Variants in DNTTIP2 observed in about 807,000 individuals in gnomAD.
The protein encoded by DNTTIP2 is deoxynucleotidyltransferase terminal-interacting protein 2.
Under a neutral mutation model 62.4 loss-of-function variants are expected in DNTTIP2, and 47 were observed. That is an observed-to-expected ratio of 0.75 (90% CI 0.60 to 0.96). DNTTIP2 has a LOEUF of 0.96. DNTTIP2 is among the 40% of genes least tolerant of loss of function. The pLI, the probability that DNTTIP2 is intolerant of heterozygous loss-of-function variation, is 0.00. For missense variants in DNTTIP2, 870 were observed against 849.1 expected (o/e 1.02, Z -0.31); for synonymous variants, 322 against 300.9 (o/e 1.07, Z -0.73).
chr1:93,876,346 T>G lies in DNTTIP2; in HGVS notation c.1589A>C (p.Glu530Ala). Residue 530 changes from glutamate (E) to alanine (A), a missense_variant, in exon 2 of 7, where the codon GAA (glutamate) becomes GCA (alanine). By Grantham distance (107) the Glu-to-Ala change is moderately radical (BLOSUM62 -1). Coordinates refer to ENST00000436063, the MANE Select transcript of DNTTIP2 (RefSeq NM_014597.5). ...ATTTTCGTCATGGTCTGATGAATCT[T>G]CTTCACTTTTTTCATCCTCTTCCTC... ...KEEEEDEKSE[E>A]DSSDHDENED... 4 of 1,556,532 alleles carry G rather than the reference T, an allele frequency of 2.6e-6. No homozygotes were observed. Among genetic ancestry groups the G allele is most frequent in the Non-Finnish European group, 3.5e-6 (4 of 1,149,302 alleles).
Position 93,868,614 on chromosome 1 carries a change from T to C in DNTTIP2, c.*1237A>G, listed in dbSNP as rs922357266. ...AACCAACCCAAATGCCCATGAATGATAGACTGGATAAAGAAAATGTGGCAC... is the reference window on the plus strand; with the variant it reads ...AACCAACCCAAATGCCCATGAATGACAGACTGGATAAAGAAAATGTGGCAC... On this transcript the variant is annotated 3_prime_UTR_variant, in exon 7 of 7. Coordinates refer to ENST00000436063, the MANE Select transcript of DNTTIP2 (RefSeq NM_014597.5). 4 of 152,180 alleles carry C rather than the reference T, an allele frequency of 2.6e-5. No homozygotes were observed. The highest frequency in any genetic ancestry group is 5.9e-5 in the Non-Finnish European group (4 of 68,038). The allele number at this position is 152,180 out of a possible 1,614,324, so 9.4% of individuals were successfully genotyped here.
intron 3 of DNTTIP2, among the ~76,000 whole-genome samples, chr1:93,875,076 G>A (rs746425992): frequency 1.2e-4 from 18 of 152,194 alleles, no homozygotes; most frequent in Non-Finnish European, 1.9e-4. Flanking sequence ...AATTAGTGAC[G>A]TCAAGTACCT....
In DNTTIP2 at chr1:93,872,210, A is replaced by G; in HGVS notation, c.1929T>C (p.Asp643=). ...RRKERQKTAG[D]GWFGMKAPEM... is the part of the protein sequence containing the mutation. ...CTGGAGCTTTCATACCAAACCAGCC[A>G]TCCCCTGCTGTTTTTTGTCGTTCTT... The change falls in exon 5 of 7, where the codon GAT becomes GAC. Residue 643 remains aspartate, a synonymous_variant. Transcript: ENST00000436063. 1.2e-6 allele frequency: 2 copies of G among 1,613,724 alleles called. No homozygotes were observed. The highest frequency in any genetic ancestry group is 1.7e-6 in the Non-Finnish European group (2 of 1,179,768).
Position 93,877,663 on chromosome 1 carries a change from T to C in DNTTIP2, c.272A>G (p.Glu91Gly). The change falls in exon 2 of 7, where the codon GAG becomes GGG. Residue 91 changes from glutamate (E) to glycine (G), a missense_variant. Coordinates refer to ENST00000436063, the MANE Select transcript of DNTTIP2 (RefSeq NM_014597.5). ...GTGCTCAGACACAGAATAATTTGAC[T>C]CTGCCTCAGAGGTTTCTCCATCCGT... is the stretch of plus-strand genomic sequence containing the variant. ...PSTDGETSEA[E>G]SNYSVSEHHD... 6.2e-7 allele frequency: 1 copy of C among 1,613,996 alleles called. No individual in the cohort carries two copies. Among genetic ancestry groups the C allele is most frequent in the South Asian group, 1.1e-5 (1 of 91,082 alleles).
chr1:93,873,031 A>G (rs1250495646), intron 4 of DNTTIP2, 88 bp downstream of exon 4: 10 of 895,818 alleles, frequency 1.1e-5, no homozygotes, highest in Non-Finnish European at 1.6e-5. Context: ...AGACCAACAG[A>G]TACAGTTTAA....
rs746763890 is a variant in DNTTIP2, at chr1:93,875,589, A to G, written c.1806+56T>C. On this transcript the variant is annotated intron_variant, in intron 3 of 6. Transcript: ENST00000436063. ...AAAATTAAGTCTTTTACCAAGGACT[A>G]ATTTCTAAAAGTGATTGGTTAGTTC... 3.2e-6 allele frequency: 5 copies of G among 1,545,984 alleles called. No homozygotes were observed. In the South Asian group the frequency reaches 3.9e-5, roughly 12 times the overall value.
In DNTTIP2 at chr1:93,875,769, C is replaced by T; in HGVS notation, c.1682G>A (p.Ser561Asn). ...STKAKLLKLT[S>N]SSIDPGLSIK... ...ACTCAGACCAGGGTCTATGCTGCTG[C>T]TTGTCAACTTCAGACTGAAAAAGAA... is the stretch of plus-strand genomic sequence containing the variant. Residue 561 changes from serine (S) to asparagine (N), a missense_variant, in exon 3 of 7, where the codon AGC becomes AAC. By Grantham distance (46) the Ser-to-Asn change is conservative. Coordinates refer to ENST00000436063, the MANE Select transcript of DNTTIP2 (RefSeq NM_014597.5). The T allele has an allele frequency of 6.2e-7, 1 of 1,609,786 alleles. No individual in the cohort carries two copies. The highest frequency in any genetic ancestry group is 8.5e-7 in the Non-Finnish European group (1 of 1,178,920).
Position 93,870,685 on chromosome 1 carries a change from T to C in DNTTIP2, c.2175A>G (p.Arg725=). 6.6e-7 allele frequency: 1 copy of C among 1,525,818 alleles called. No individual in the cohort carries two copies. Among genetic ancestry groups the C allele is most frequent in the Non-Finnish European group, 8.9e-7 (1 of 1,127,114 alleles). The allele number at this position is 1,525,818 out of a possible 1,614,324, so 94.5% of individuals were successfully genotyped here. ...AAAATAAATATGAATTCCTTTACCT[T>C]CTGAATTCAGAATCAGCCAGCAGTT... ...VEELLADSEF[R]RYNRRKYSEI... is the part of the protein sequence containing the mutation. The change falls in exon 6 of 7, where the codon AGA becomes AGG. Residue 725 remains arginine (R), a splice_region_variant and synonymous_variant. Transcript: ENST00000436063.
At position 93,869,356 on chromosome 1, in the gene DNTTIP2, C is replaced by T. The variant is rs1655796837; in HGVS notation, c.*495G>A. ...GGTCATATTCTTCATATCTTTGTAT[C>T]CCAACTTTCTGGATCTGAATTTTAT... On this transcript the variant is annotated 3_prime_UTR_variant, in exon 7 of 7. Transcript: ENST00000436063. 6.6e-6 allele frequency: 1 copy of T among 152,272 alleles called. No homozygotes were observed. The highest frequency in any genetic ancestry group is 1.5e-5 in the Non-Finnish European group (1 of 68,152). The allele number at this position is 152,272 out of a possible 1,614,324, so 9.4% of individuals were successfully genotyped here.
At chr1:93,875,908 C>T (rs1303485362) in intron 2 of DNTTIP2, 125 bp from the exon 3 acceptor site, 1 of 956,680 alleles carries the variant, frequency 1.0e-6, no homozygotes, top group Non-Finnish European at 1.5e-6. Context: ...GAAAAAAAAG[C>T]ATCTTATTTT....
Position 93,876,783 on chromosome 1 carries a change from T to C in DNTTIP2, c.1152A>G (p.Lys384=), listed in dbSNP as rs1020750690. The C allele has an allele frequency of 1.2e-6, 2 of 1,613,952 alleles. No homozygotes were observed. ...CACCAAACTTTGTCAAGTCACTTGCTTTTATGGGGCTCTTTTTGTTGTTAT... is the reference window on the plus strand; with the variant it reads ...CACCAAACTTTGTCAAGTCACTTGCCTTTATGGGGCTCTTTTTGTTGTTAT... The part of the protein sequence containing the change: ...RWNNNKKSPI[K]ASDLTKFGDC... Residue 384 remains lysine, a synonymous_variant, in exon 2 of 7, where the codon AAA becomes AAG. Coordinates refer to ENST00000436063, the MANE Select transcript of DNTTIP2 (RefSeq NM_014597.5).
chr1:93,870,766 A>G lies in DNTTIP2; in HGVS notation c.2094T>C (p.Ala698=). 6 of 1,564,268 alleles carry G rather than the reference A, an allele frequency of 3.8e-6. No individual in the cohort carries two copies. Among genetic ancestry groups the G allele is most frequent in the Non-Finnish European group, 5.2e-6 (6 of 1,151,532 alleles). The change falls in exon 6 of 7, where the codon GCT becomes GCC. Residue 698 remains alanine (A), a synonymous_variant. Transcript: ENST00000436063. ...FQIGTIVDNP[A]DFYHSRIPKK... Reference sequence around the variant, plus strand: ...TGGGAATTCGTGAATGGTAGAAATCAGCTGGATTGTCAACAATGGTTCCAA... The same window carrying G: ...TGGGAATTCGTGAATGGTAGAAATCGGCTGGATTGTCAACAATGGTTCCAA...
intron 1 of DNTTIP2, 68 bp from the exon 2 acceptor site, chr1:93,877,930 T>A: frequency 2.0e-6 from 3 of 1,496,458 alleles, no homozygotes; most frequent in Non-Finnish European, 2.7e-6. Flanking sequence ...AATGAAATAC[T>A]GACCCCAAAA....
Position 93,869,496 on chromosome 1 carries a change from A to AT in DNTTIP2, c.*354dup, listed in dbSNP as rs1381843079. The stretch of plus-strand genomic sequence containing the variant: ...CAATAATGTTTATATATCTTTGATC[A>AT]TTTTTTAAAGTTCTTTGAACATGTT... On this transcript the variant is annotated 3_prime_UTR_variant, in exon 7 of 7. Coordinates refer to ENST00000436063, the MANE Select transcript of DNTTIP2 (RefSeq NM_014597.5). The AT allele has an allele frequency of 5.1e-6, 1 of 194,196 alleles. No individual in the cohort carries two copies. The highest frequency in any genetic ancestry group is 1.1e-5 in the Non-Finnish European group (1 of 94,008). The allele number at this position is 194,196 out of a possible 1,614,324, so 12.0% of individuals were successfully genotyped here. A position where few individuals can be genotyped will look rare whatever the true frequency, so the allele number is the denominator to read the frequency against.
At chr1:93,871,948 G>T in intron 5 of DNTTIP2, 124 bp downstream of exon 5, 1 of 1,080,780 alleles carries the variant, frequency 9.3e-7, no homozygotes, top group Non-Finnish European at 1.3e-6. Context: ...ATGCAGATAT[G>T]TTCCATACAT....
In DNTTIP2 at chr1:93,873,173, GT is replaced by G. The variant is rs1655913115; in HGVS notation, c.1847del (p.Asn616ThrfsTer33). The G allele has an allele frequency of 5.0e-6, 8 of 1,611,812 alleles. No homozygotes were observed. Among genetic ancestry groups the G allele is most frequent in the South Asian group, 1.1e-5 (1 of 90,956 alleles). ...ATTCACTATATGGTGGAACACAGTG[GT>G]TTTTTTCAAAATCAGGTGTAATGAC... ...KAVITPDFEK[N>X]HCVPPYSESK... is the part of the protein sequence containing the mutation. On this transcript the variant is annotated frameshift_variant, in exon 4 of 7. Transcript: ENST00000436063. LOFTEE classifies it high-confidence loss of function.
intron 4 of DNTTIP2, among the ~76,000 whole-genome samples, chr1:93,872,678 A>G (rs568544354): frequency 6.6e-6 from 1 of 152,310 alleles, no homozygotes; most frequent in African/African-American, 2.4e-5. Context: ...TGTTATTTCT[A>G]CAATAAAACA....
chr1:93,873,894 G>T (rs140128729), intron 3 of DNTTIP2, among the ~76,000 whole-genome samples: 4 of 152,188 alleles, frequency 2.6e-5, no homozygotes, highest in African/African-American at 9.7e-5. Flanking sequence ...GGAACCTCAG[G>T]TTAATTAGTA....
chr1:93,871,401 A>G (rs1294436411), intron 5 of DNTTIP2, among the ~76,000 whole-genome samples: 4 of 152,248 alleles, frequency 2.6e-5, no homozygotes, highest in African/African-American at 9.6e-5. Flanking sequence ...AAAGTGACCA[A>G]TTGTACCTAA....
Sources: allele counts gnomAD v4.1 joint callset (sites outside exome capture counted in the v4.1 genomes callset), GRCh38; gene constraint gnomAD v4.1.1; transcripts MANE v1.5; gene names NCBI Gene and HGNC (gene_info 2026-07-23, HGNC 2026-07-21).